The following THSD4 variants were observed in gnomAD, a reference collection of about 807,000 sequenced individuals.
THSD4 encodes the protein thrombospondin type-1 domain-containing protein 4.
Under a neutral mutation model 119.0 loss-of-function variants are expected in THSD4, and 69 were observed. That is an observed-to-expected ratio of 0.58 (90% CI 0.48 to 0.71). The LOEUF is 0.71. THSD4 is among the 30% of genes least tolerant of loss of function. The pLI, the probability that THSD4 is intolerant of heterozygous loss-of-function variation, is 0.00. For missense variants in THSD4, 1,393 were observed against 1,391.1 expected (o/e 1.00, Z -0.02); for synonymous variants, 524 against 540.4 (o/e 0.97, Z 0.42).
intron 1 of THSD4, among the ~76,000 whole-genome samples, chr15:71,122,811 C>T (rs1011359166): frequency 7.2e-5 from 11 of 152,164 alleles, no homozygotes; most frequent in African/African-American, 9.7e-5. Flanking sequence ...GCACTACCAA[C>T]GTGAATGTTC....
chr15:71,563,931 G>T (rs1403747249), intron 7 of THSD4, among the ~76,000 whole-genome samples: 1 of 152,148 alleles, frequency 6.6e-6, no homozygotes, highest in Non-Finnish European at 1.5e-5. Flanking sequence ...TGTTTTGGGG[G>T]TGTGGGGGTG....
intron 14 of THSD4, among the ~76,000 whole-genome samples, chr15:71,757,700 C>A (rs1453890512): frequency 1.3e-5 from 2 of 152,116 alleles, no homozygotes; most frequent in Non-Finnish European, 2.9e-5. Flanking sequence ...TGGAATGAAG[C>A]CCAACCCAGA....
At chr15:71,773,397 G>C (rs1264171248) in intron 17 of THSD4, among the ~76,000 whole-genome samples, 1 of 152,146 alleles carries the variant, frequency 6.6e-6, no homozygotes, top group Non-Finnish European at 1.5e-5. Flanking sequence ...TCACTCAGCT[G>C]CCTCACTATG....
At chr15:71,321,233 T>C (rs2045263095) in intron 6 of THSD4, among the ~76,000 whole-genome samples, 1 of 152,128 alleles carries the variant, frequency 6.6e-6, no homozygotes, top group Non-Finnish European at 1.5e-5. Context: ...ATGTACTCCC[T>C]CTGTAAAACT....
intron 7 of THSD4, among the ~76,000 whole-genome samples, chr15:71,542,090 G>A (rs1225164455): frequency 3.9e-5 from 6 of 152,034 alleles, no homozygotes; most frequent in East Asian, 3.8e-4. Context: ...TGGAGGAGGC[G>A]GGACAAATCA....
At chr15:71,296,408 G>A (rs1031855201) in intron 6 of THSD4, among the ~76,000 whole-genome samples, 6 of 152,252 alleles carry the variant, frequency 3.9e-5, no homozygotes, top group East Asian at 1.9e-4. Flanking sequence ...CATCTGGTTC[G>A]TGGATATGTG....
intron 6 of THSD4, among the ~76,000 whole-genome samples, chr15:71,379,707 C>T (rs1456948695): frequency 6.6e-6 from 1 of 151,828 alleles, no homozygotes; most frequent in African/African-American, 2.4e-5. Flanking sequence ...ATCCACCCGC[C>T]TCGGCCTCCC....
chr15:71,181,979 A>G (rs1434026314), intron 3 of THSD4, among the ~76,000 whole-genome samples: 1 of 152,218 alleles, frequency 6.6e-6, no homozygotes, highest in South Asian at 2.1e-4. Flanking sequence ...GAAGATGTTG[A>G]GAGATCATCA....
At chr15:71,467,138 T>G (rs780494756) in intron 7 of THSD4, among the ~76,000 whole-genome samples, 2 of 152,226 alleles carry the variant, frequency 1.3e-5, no homozygotes, top group Non-Finnish European at 2.9e-5. Flanking sequence ...GCTGCCTTTG[T>G]GTCTCTCCCC....
At chr15:71,196,437 A>C (rs923404015) in intron 3 of THSD4, among the ~76,000 whole-genome samples, 1 of 152,214 alleles carries the variant, frequency 6.6e-6, no homozygotes, top group Non-Finnish European at 1.5e-5. Context: ...AATTATAATC[A>C]AATTGAAAAA....
chr15:71,272,353 A>T (rs2044540052), intron 6 of THSD4, among the ~76,000 whole-genome samples: 1 of 131,432 alleles, frequency 7.6e-6, no homozygotes, highest in African/African-American at 2.9e-5. Context: ...AGCTGAGACC[A>T]CACCATTGCA....
At chr15:71,526,434 A>G (rs2140800401) in intron 7 of THSD4, among the ~76,000 whole-genome samples, 1 of 152,314 alleles carries the variant, frequency 6.6e-6, no homozygotes, top group South Asian at 2.1e-4. Context: ...AGTAGACAGA[A>G]ATGCAGTCGT....
At chr15:71,290,425 ATT>A (rs5813625) in intron 6 of THSD4, among the ~76,000 whole-genome samples, 1 of 151,086 alleles carries the variant, frequency 6.6e-6, no homozygotes, top group South Asian at 2.1e-4. Context: ...TGTCATTTAG[ATT>A]TTTTTTTTCC....
At chr15:71,546,189 A>G (rs1007522403) in intron 7 of THSD4, among the ~76,000 whole-genome samples, 1 of 152,090 alleles carries the variant, frequency 6.6e-6, no homozygotes, top group Non-Finnish European at 1.5e-5. Context: ...ACACATGAAG[A>G]GTTTGAAGTA....
chr15:71,536,868 C>T (rs1402817718), intron 7 of THSD4, among the ~76,000 whole-genome samples: 1 of 151,768 alleles, frequency 6.6e-6, no homozygotes, highest in Non-Finnish European at 1.5e-5. Flanking sequence ...CTTATCCTGG[C>T]ACCATTTGTG....
intron 6 of THSD4, chr15:71,341,625 G>A (rs772227943): frequency 4.4e-6 from 7 of 1,587,442 alleles, no homozygotes; most frequent in African/African-American, 4.0e-5. Flanking sequence ...GCAGTTTCAC[G>A]AGTGTTCTTA....
chr15:71,542,288 T>C (rs763314957), intron 7 of THSD4, among the ~76,000 whole-genome samples: 24 of 152,194 alleles, frequency 1.6e-4, no homozygotes, highest in Admixed American at 6.5e-5. Flanking sequence ...GTGATGGTTT[T>C]AACATATGTT....
At chr15:71,322,070 A>T (rs1017782016) in intron 6 of THSD4, among the ~76,000 whole-genome samples, 3 of 152,156 alleles carry the variant, frequency 2.0e-5, no homozygotes, top group Non-Finnish European at 2.9e-5. Flanking sequence ...ACAAGCTTGG[A>T]GTACATTAAA....
At position 71,758,066 on chromosome 15, in the gene THSD4, C is replaced by G. The variant is rs530830547; in HGVS notation, c.2580C>G (p.Ser860Arg). ...GCAAGGTGGAGTGGTTTGCCGGGAGCTGGAGTCAGGTGAGTGGCCAGAACT... is the reference window on the plus strand; with the variant it reads ...GCAAGGTGGAGTGGTTTGCCGGGAGGTGGAGTCAGGTGAGTGGCCAGAACT... The part of the protein sequence containing the change: ...CTGKVEWFAG[S>R]WSQCSIECGS... The change falls in exon 15 of 18, where the codon AGC becomes AGG. Residue 860 changes from serine (S) to arginine (R), a missense_variant. Physicochemically the swap from Ser to Arg is moderately radical, Grantham distance 110. Coordinates refer to ENST00000261862, the MANE Select transcript of THSD4 (RefSeq NM_024817.3). 4 of 1,580,044 alleles carry G rather than the reference C, an allele frequency of 2.5e-6. No homozygotes were observed. In the South Asian group the frequency reaches 4.6e-5, roughly 18 times the overall value.
Sources: gnomAD v4.1 joint callset for allele counts (sites outside exome capture counted in the v4.1 genomes callset) on GRCh38, gnomAD v4.1.1 for gene constraint, MANE v1.5 for transcripts, NCBI Gene and HGNC (gene_info 2026-07-23, HGNC 2026-07-21) for gene names.